SCHIP1: variants seen among roughly 807,000 people sequenced by gnomAD.
The protein encoded by SCHIP1 is schwannomin-interacting protein 1.
A neutral mutation model predicts 29.7 loss-of-function variants in SCHIP1; 8 were observed. The observed-to-expected ratio is 0.27, with a 90% CI of 0.16 to 0.49. The LOEUF (loss-of-function observed/expected upper bound fraction) is 0.49. SCHIP1 is among the 20% of genes least tolerant of loss of function. The pLI, the probability that SCHIP1 is intolerant of heterozygous loss-of-function variation, is 0.99. For synonymous variants in SCHIP1, 76 were observed against 94.9 expected (o/e 0.80, Z 1.16); for missense variants, 193 against 294.6 (o/e 0.66, Z 2.52).
At chr3:159,870,216 G>A (rs1488266224) in intron 2 of SCHIP1, among the ~76,000 whole-genome samples, 3 of 151,838 alleles carry the variant, frequency 2.0e-5, no homozygotes, top group African/African-American at 7.2e-5. Context: ...CATGCTTTTG[G>A]TTTCTTTGTC....
chr3:159,317,943 G>C, the SCHIP1 span, among the ~76,000 whole-genome samples: 4,894 of 152,242 alleles, frequency 0.032, 243 homozygotes, highest in African/African-American at 0.11. Flanking sequence ...CAGGTAGCTG[G>C]CTGGTCATCC....
the SCHIP1 span, among the ~76,000 whole-genome samples, chr3:159,439,641 C>T: frequency 3.3e-5 from 5 of 152,096 alleles, no homozygotes; most frequent in Non-Finnish European, 5.9e-5. Context: ...TCAGTGATGT[C>T]GAACTTTTTA....
At chr3:159,679,880 A>G in the SCHIP1 span, among the ~76,000 whole-genome samples, 1 of 152,098 alleles carries the variant, frequency 6.6e-6, no homozygotes, top group Middle Eastern at 3.2e-3. Flanking sequence ...AGACACATTC[A>G]GCCCAGGGCC....
chr3:159,677,047 G>T, the SCHIP1 span, among the ~76,000 whole-genome samples: 2 of 152,026 alleles, frequency 1.3e-5, no homozygotes, highest in African/African-American at 4.8e-5. Flanking sequence ...AACCATCTCT[G>T]GCCATCCTAA....
chr3:159,470,657 T>C, the SCHIP1 span, among the ~76,000 whole-genome samples: 1 of 152,072 alleles, frequency 6.6e-6, no homozygotes, highest in African/African-American at 2.4e-5. Flanking sequence ...CCAAACCATG[T>C]CCTTTCCTTT....
the SCHIP1 span, among the ~76,000 whole-genome samples, chr3:159,805,684 T>C: frequency 6.6e-6 from 1 of 152,174 alleles, no homozygotes; most frequent in Non-Finnish European, 1.5e-5. Flanking sequence ...AACTCCTGCA[T>C]GCTTAGTAAA....
chr3:159,368,790 G>T, the SCHIP1 span, among the ~76,000 whole-genome samples: 6 of 152,182 alleles, frequency 3.9e-5, no homozygotes, highest in East Asian at 1.2e-3. Context: ...AGGGCTTGAG[G>T]CTTGTGAGAG....
the SCHIP1 span, among the ~76,000 whole-genome samples, chr3:159,822,596 A>G: frequency 3.4e-5 from 5 of 148,882 alleles, no homozygotes; most frequent in Non-Finnish European, 6.0e-5. Context: ...TCTAACAGAC[A>G]TGGAAATTTC....
the SCHIP1 span, among the ~76,000 whole-genome samples, chr3:159,689,262 C>G: frequency 2.0e-5 from 3 of 152,180 alleles, no homozygotes; most frequent in African/African-American, 7.2e-5. Context: ...TTTGTGTCCT[C>G]TCTTATTTCC....
At chr3:159,382,744 T>C in the SCHIP1 span, among the ~76,000 whole-genome samples, 3 of 152,154 alleles carry the variant, frequency 2.0e-5, no homozygotes, top group African/African-American at 7.2e-5. Flanking sequence ...GTGTTCCTAT[T>C]TCTCCACATC....
At chr3:159,691,416 C>CTTTTTTT in the SCHIP1 span, among the ~76,000 whole-genome samples, 3 of 106,702 alleles carry the variant, frequency 2.8e-5, no homozygotes, top group Non-Finnish European at 3.8e-5. Flanking sequence ...GCAACCCCTG[C>CTTTTTTT]TTTTTTTTTT....
chr3:159,553,384 T>A, the SCHIP1 span, among the ~76,000 whole-genome samples: 1 of 152,008 alleles, frequency 6.6e-6, no homozygotes, highest in Non-Finnish European at 1.5e-5. Flanking sequence ...GATTCAGTAA[T>A]GGGATAACTT....
chr3:159,281,231 G>A, the SCHIP1 span, among the ~76,000 whole-genome samples: 2 of 152,170 alleles, frequency 1.3e-5, no homozygotes, highest in African/African-American at 4.8e-5. Flanking sequence ...TTCATTTTGG[G>A]ATTTTGGAAG....
the SCHIP1 span, among the ~76,000 whole-genome samples, chr3:159,279,923 C>G: frequency 6.6e-6 from 1 of 152,196 alleles, no homozygotes; most frequent in Admixed American, 6.5e-5. Flanking sequence ...TTCAAAAATA[C>G]CCCTCACTTT....
the SCHIP1 span, chr3:159,764,674 G>T: frequency 6.3e-7 from 1 of 1,589,670 alleles, no homozygotes; most frequent in Non-Finnish European, 8.6e-7. The surrounding 1 kb of genome is among the most constrained non-coding windows in gnomAD (Gnocchi z 6.1). Flanking sequence ...GGAGGACGGG[G>T]AGGAGGAGGA....
At chr3:159,586,865 G>A in the SCHIP1 span, among the ~76,000 whole-genome samples, 3 of 152,230 alleles carry the variant, frequency 2.0e-5, no homozygotes, top group South Asian at 2.1e-4. Flanking sequence ...TAAACAAAGC[G>A]GCCCAACTAA....
the SCHIP1 span, among the ~76,000 whole-genome samples, chr3:159,348,516 T>C: frequency 6.6e-6 from 1 of 152,176 alleles, no homozygotes; most frequent in Non-Finnish European, 1.5e-5. Flanking sequence ...TTACTTTGCA[T>C]TGGCATGATT....
chr3:159,663,385 A>C, the SCHIP1 span, among the ~76,000 whole-genome samples: 3 of 152,164 alleles, frequency 2.0e-5, no homozygotes, highest in East Asian at 5.8e-4. Context: ...CAGAAGACAG[A>C]TGACTGACAG....
chr3:159,412,364 T>C, the SCHIP1 span, among the ~76,000 whole-genome samples: 1 of 152,230 alleles, frequency 6.6e-6, no homozygotes. Flanking sequence ...GCATGATTAA[T>C]AATTTTGTTG....
Sources: allele counts gnomAD v4.1 joint callset (sites outside exome capture counted in the v4.1 genomes callset), GRCh38; gene constraint gnomAD v4.1.1; non-coding constraint Gnocchi (gnomAD v3.1); transcripts MANE v1.5; gene names NCBI Gene and HGNC (gene_info 2026-07-23, HGNC 2026-07-21).